Variants in PTPRD observed in about 807,000 individuals in gnomAD.
PTPRD encodes the protein protein tyrosine phosphatase receptor type D.
A neutral mutation model predicts 214.5 loss-of-function variants in PTPRD; 34 were observed. The observed-to-expected ratio is 0.16, with a 90% CI of 0.12 to 0.21. The LOEUF (loss-of-function observed/expected upper bound fraction) is 0.21, where lower values mean the gene tolerates loss of function less well. Among genes scored for constraint, PTPRD ranks in the 10% least tolerant of loss-of-function variants. PTPRD has a pLI of 1.00. For missense variants in PTPRD, 2,545 were observed against 2,398.7 expected, an observed-to-expected ratio of 1.06 and a Z score of -1.27; for synonymous variants, 1,128 against 845.7, an observed-to-expected ratio of 1.33 and a Z score of -5.79.
intron 26 of PTPRD, among the ~76,000 whole-genome samples, chr9:8,494,608 C>A (rs760338929): frequency 1.3e-5 from 2 of 152,200 alleles, no homozygotes; most frequent in East Asian, 3.8e-4. Context: ...AGCAGCAAGG[C>A]TTGCTTCCAT....
intron 11 of PTPRD, among the ~76,000 whole-genome samples, chr9:9,014,914 G>T (rs958381617): frequency 6.6e-6 from 1 of 151,964 alleles, no homozygotes; most frequent in Non-Finnish European, 1.5e-5. Flanking sequence ...AGGGATAAAA[G>T]ACCTTGCTAT....
intron 3 of PTPRD, among the ~76,000 whole-genome samples, chr9:10,268,568 A>G (rs2094233485): frequency 6.6e-6 from 1 of 152,142 alleles, no homozygotes; most frequent in Non-Finnish European, 1.5e-5. Context: ...CACCTAACAC[A>G]GATAGATTGA....
intron 39 of PTPRD, among the ~76,000 whole-genome samples, chr9:8,342,916 G>GA (rs1853900082): frequency 1.3e-5 from 2 of 152,244 alleles, no homozygotes; most frequent in African/African-American, 4.8e-5. Flanking sequence ...TGAAGGACAG[G>GA]AAGGATGAGG....
At chr9:8,833,102 A>G in intron 11 of PTPRD, among the ~76,000 whole-genome samples, 1 of 152,152 alleles carries the variant, frequency 6.6e-6, no homozygotes, top group East Asian at 1.9e-4. Flanking sequence ...CAGTTCATAC[A>G]CAGGCCACAG....
chr9:9,132,210 C>G (rs529825834), intron 10 of PTPRD, among the ~76,000 whole-genome samples: 1 of 152,204 alleles, frequency 6.6e-6, no homozygotes, highest in African/African-American at 2.4e-5. Flanking sequence ...GGGGTTTCAC[C>G]GTGTTAGCCA....
intron 10 of PTPRD, among the ~76,000 whole-genome samples, chr9:9,168,600 T>G (rs1040862080): frequency 6.6e-5 from 10 of 152,136 alleles, no homozygotes; most frequent in Non-Finnish European, 2.9e-5. Context: ...GCGAAACTTA[T>G]AGTTTAAAAA....
At chr9:8,824,465 T>C (rs2097137206) in intron 11 of PTPRD, among the ~76,000 whole-genome samples, 1 of 152,210 alleles carries the variant, frequency 6.6e-6, no homozygotes, top group East Asian at 1.9e-4. Context: ...AAGGTTTATT[T>C]ATAACTTTTG....
chr9:9,420,932 G>A (rs1046502570), intron 8 of PTPRD, among the ~76,000 whole-genome samples: 3 of 151,776 alleles, frequency 2.0e-5, no homozygotes, highest in African/African-American at 7.2e-5. Context: ...TTTTCTCAGT[G>A]GTATAATTTT....
intron 8 of PTPRD, among the ~76,000 whole-genome samples, chr9:9,535,812 A>G (rs932077119): frequency 6.6e-6 from 1 of 152,044 alleles, no homozygotes; most frequent in Non-Finnish European, 1.5e-5. Context: ...GTGTATAAAG[A>G]GTTAAATTGT....
intron 12 of PTPRD, among the ~76,000 whole-genome samples, chr9:8,690,336 G>T (rs1252134799): frequency 1.3e-4 from 20 of 151,724 alleles, no homozygotes; most frequent in Admixed American, 1.3e-3. Flanking sequence ...GACCATCCTG[G>T]ATAACGCAGT....
intron 8 of PTPRD, among the ~76,000 whole-genome samples, chr9:9,523,407 T>C (rs1006048497): frequency 6.6e-6 from 1 of 152,162 alleles, no homozygotes; most frequent in Non-Finnish European, 1.5e-5. Flanking sequence ...AAAAGATTCA[T>C]TTCATAAACT....
intron 2 of PTPRD, among the ~76,000 whole-genome samples, chr9:10,475,398 A>C (rs554843646): frequency 6.6e-6 from 1 of 152,206 alleles, no homozygotes; most frequent in South Asian, 2.1e-4. Flanking sequence ...GAAATGGATA[A>C]ATTCCTGGAC....
intron 3 of PTPRD, among the ~76,000 whole-genome samples, chr9:10,208,443 G>A (rs1378363835): frequency 4.6e-5 from 7 of 152,218 alleles, no homozygotes; most frequent in Non-Finnish European, 8.8e-5. Context: ...GAACCCGGGA[G>A]GCGGAGCTTG....
intron 3 of PTPRD, among the ~76,000 whole-genome samples, chr9:10,178,691 T>C (rs981872891): frequency 6.6e-6 from 1 of 151,886 alleles, no homozygotes; most frequent in African/African-American, 2.4e-5. Context: ...TTTCTCAGAA[T>C]TGGTACTATT....
At chr9:8,441,461 G>T (rs1263161001) in intron 34 of PTPRD, among the ~76,000 whole-genome samples, 1 of 151,932 alleles carries the variant, frequency 6.6e-6, no homozygotes, top group African/African-American at 2.4e-5. Context: ...AGTTTTCAAT[G>T]TTGACTCAAA....
chr9:9,880,379 TG>T, intron 5 of PTPRD, among the ~76,000 whole-genome samples: 1 of 152,306 alleles, frequency 6.6e-6, no homozygotes, highest in Non-Finnish European at 1.5e-5. Flanking sequence ...ACGTGGTTAA[TG>T]GCTAGCATTT....
intron 9 of PTPRD, among the ~76,000 whole-genome samples, chr9:9,385,813 C>G (rs1328033104): frequency 6.6e-6 from 1 of 152,124 alleles, no homozygotes; most frequent in East Asian, 1.9e-4. Flanking sequence ...AAGAAATAAT[C>G]TTGTAATTAA....
chr9:8,540,530 G>A (rs979142386), intron 14 of PTPRD, among the ~76,000 whole-genome samples: 4 of 152,232 alleles, frequency 2.6e-5, no homozygotes, highest in Admixed American at 1.3e-4. Flanking sequence ...ATAACATAAT[G>A]CACGTTTATT....
intron 4 of PTPRD, among the ~76,000 whole-genome samples, chr9:10,007,074 A>C (rs1256489715): frequency 6.6e-6 from 1 of 151,994 alleles, no homozygotes; most frequent in Non-Finnish European, 1.5e-5. Context: ...CTAAGGCAGA[A>C]GTGTTTGTCT....
Sources: gnomAD v4.1 joint callset for allele counts (sites outside exome capture counted in the v4.1 genomes callset) on GRCh38, gnomAD v4.1.1 for gene constraint, MANE v1.5 for transcripts, NCBI Gene and HGNC (gene_info 2026-07-23, HGNC 2026-07-21) for gene names.